Variants in KCNH5 observed in about 807,000 individuals in gnomAD.
KCNH5 encodes voltage-gated delayed rectifier potassium channel KCNH5.
A neutral mutation model predicts 96.1 loss-of-function variants in KCNH5; 46 were observed. The observed-to-expected ratio is 0.48, with a 90% CI of 0.38 to 0.61. The LOEUF (loss-of-function observed/expected upper bound fraction) is 0.61. Among genes scored for constraint, KCNH5 ranks in the 20% least tolerant of loss-of-function variants. KCNH5 has a pLI of 0.00. For missense variants in KCNH5, 907 were observed against 1,225.8 expected (o/e 0.74, Z 3.88); for synonymous variants, 439 against 449.8 (o/e 0.98, Z 0.30).
Position 62,708,275 on chromosome 14 carries a change from G to A in KCNH5, c.2200C>T (p.Leu734Phe), listed in dbSNP as rs375453221. The change falls in exon 11 of 11, where the codon CTC becomes TTC. Residue 734 changes from leucine to phenylalanine, a missense_variant. Coordinates refer to ENST00000322893, the MANE Select transcript of KCNH5 (RefSeq NM_139318.5). Reference protein sequence around the residue: ...STQGDPERNQLQVESRSLQNG... With the variant: ...STQGDPERNQFQVESRSLQNG... The stretch of plus-strand genomic sequence containing the variant: ...TGTAAGGAGCGGCTCTCTACCTGGA[G>A]TTGGTTCCTCTCAGGGTCACCCTGT... The A allele has an allele frequency of 1.2e-6, 2 of 1,614,192 alleles. No homozygotes were observed. The highest frequency in any genetic ancestry group is 1.7e-6 in the Non-Finnish European group (2 of 1,180,036).
intron 1 of KCNH5, among the ~76,000 whole-genome samples, chr14:63,034,034 C>G (rs752835905): frequency 2.0e-5 from 3 of 152,150 alleles, no homozygotes; most frequent in Non-Finnish European, 4.4e-5. Flanking sequence ...ATTCCCCTGC[C>G]TCAGCCTCCG....
chr14:62,860,773 C>G (rs1164502671), intron 7 of KCNH5, among the ~76,000 whole-genome samples: 1 of 152,174 alleles, frequency 6.6e-6, no homozygotes, highest in African/African-American at 2.4e-5. Context: ...CCATCTAATA[C>G]AAAGGCTAAC....
At chr14:62,858,917 C>T (rs141496412) in intron 7 of KCNH5, among the ~76,000 whole-genome samples, 352 of 152,278 alleles carry the variant, frequency 2.3e-3, no homozygotes, top group Middle Eastern at 6.8e-3. Context: ...CCAGCTGCCT[C>T]AGGACGATGG....
intron 10 of KCNH5, among the ~76,000 whole-genome samples, chr14:62,756,290 A>G (rs1333265076): frequency 6.6e-6 from 1 of 152,164 alleles, no homozygotes; most frequent in African/African-American, 2.4e-5. Context: ...TCAGTGAAAG[A>G]AACTACAGAG....
At chr14:62,954,790 T>C (rs1194757902) in intron 6 of KCNH5, among the ~76,000 whole-genome samples, 3 of 152,026 alleles carry the variant, frequency 2.0e-5, no homozygotes, top group Non-Finnish European at 4.4e-5. Context: ...CTCACAATCA[T>C]GGAGGAAGGC....
chr14:62,815,106 A>G (rs1886951639), intron 8 of KCNH5, among the ~76,000 whole-genome samples: 5 of 152,220 alleles, frequency 3.3e-5, no homozygotes, highest in Admixed American at 2.6e-4. Context: ...AGCAATGAGA[A>G]TGAAAGAAGT....
At chr14:62,887,853 T>C (rs137869179) in intron 7 of KCNH5, among the ~76,000 whole-genome samples, 113 of 152,294 alleles carry the variant, frequency 7.4e-4, no homozygotes, top group African/African-American at 2.5e-3. Context: ...TAGTCTCACA[T>C]GAAACTTTTG....
At chr14:62,740,298 T>C (rs998121553) in intron 10 of KCNH5, among the ~76,000 whole-genome samples, 6 of 152,204 alleles carry the variant, frequency 3.9e-5, no homozygotes, top group Admixed American at 1.3e-4. Context: ...ATCTTTTCGG[T>C]GTCCATCTTT....
intron 1 of KCNH5, among the ~76,000 whole-genome samples, chr14:63,034,782 T>C (rs947702264): frequency 1.3e-5 from 2 of 152,222 alleles, no homozygotes; most frequent in Non-Finnish European, 2.9e-5. Flanking sequence ...ATGCATGAGA[T>C]ACTTTAACAT....
At chr14:62,854,079 T>C (rs1887883361) in intron 7 of KCNH5, among the ~76,000 whole-genome samples, 1 of 151,532 alleles carries the variant, frequency 6.6e-6, no homozygotes. Context: ...CCATGCTGTC[T>C]AAACATCCTC....
chr14:62,816,468 T>C lies in KCNH5; in HGVS notation c.1570-13887A>G, dbSNP rs866702685. On this transcript the variant is annotated intron_variant, in intron 8 of 10. Transcript: ENST00000322893. ...AACAAAGCAGACCCTGATCGATATGTTTTCATTTAGTAAAGCCTGTTACAT... is the reference window on the plus strand; with the variant it reads ...AACAAAGCAGACCCTGATCGATATGCTTTCATTTAGTAAAGCCTGTTACAT... Among the ~76,000 whole-genome samples, 255 of 152,122 alleles carry C rather than the reference T, an allele frequency of 1.7e-3. No individual in the cohort carries two copies. The Middle Eastern group carries it at 0.017, about 10-fold the overall frequency.
intron 3 of KCNH5, among the ~76,000 whole-genome samples, chr14:63,004,382 A>G (rs953720532): frequency 2.0e-5 from 3 of 152,202 alleles, no homozygotes; most frequent in Admixed American, 1.3e-4. Flanking sequence ...TTAACTTACA[A>G]TGCTATGGGG....
chr14:63,002,787 C>T (rs1891035032), intron 3 of KCNH5, among the ~76,000 whole-genome samples: 1 of 152,192 alleles, frequency 6.6e-6, no homozygotes, highest in African/African-American at 2.4e-5. Flanking sequence ...AGGTTTTCTG[C>T]AACCCCAGGG....
intron 7 of KCNH5, among the ~76,000 whole-genome samples, chr14:62,940,468 C>T (rs1889766412): frequency 1.3e-5 from 2 of 152,144 alleles, no homozygotes; most frequent in Non-Finnish European, 1.5e-5. Context: ...ATTCATTGTC[C>T]ACAATAAAGA....
At chr14:62,768,081 G>A (rs1179069653) in intron 10 of KCNH5, among the ~76,000 whole-genome samples, 1 of 152,032 alleles carries the variant, frequency 6.6e-6, no homozygotes, top group Non-Finnish European at 1.5e-5. Flanking sequence ...AGAGGGGTGA[G>A]GGATGAGAAA....
chr14:63,006,596 A>T (rs781542615), intron 2 of KCNH5, 124 bp from the exon 3 acceptor site: 1 of 604,358 alleles, frequency 1.7e-6, no homozygotes, highest in Non-Finnish European at 3.0e-6. Context: ...GCTCCTACAC[A>T]GAATAGTCAA....
intron 1 of KCNH5, among the ~76,000 whole-genome samples, chr14:63,034,608 T>C (rs1202667417): frequency 2.0e-5 from 3 of 152,244 alleles, no homozygotes; most frequent in Non-Finnish European, 4.4e-5. Flanking sequence ...GTTTGAAATA[T>C]GCAAAAATAT....
intron 8 of KCNH5, among the ~76,000 whole-genome samples, chr14:62,828,260 T>C (rs1887267788): frequency 6.6e-6 from 1 of 152,200 alleles, no homozygotes; most frequent in Non-Finnish European, 1.5e-5. Flanking sequence ...TTGTGGGAGA[T>C]AGGCTTTCAG....
chr14:62,809,762 A>G (rs1275092870), intron 8 of KCNH5, among the ~76,000 whole-genome samples: 1 of 152,114 alleles, frequency 6.6e-6, no homozygotes, highest in Non-Finnish European at 1.5e-5. Context: ...GAAACTGGAG[A>G]GAGAAATATT....
Sources: gnomAD v4.1 joint callset for allele counts (sites outside exome capture counted in the v4.1 genomes callset) on GRCh38, gnomAD v4.1.1 for gene constraint, MANE v1.5 for transcripts, NCBI Gene and HGNC (gene_info 2026-07-23, HGNC 2026-07-21) for gene names.